ARAP2: variants seen among roughly 807,000 people sequenced by gnomAD.
ARAP2 encodes the protein arf-GAP with Rho-GAP domain, ANK repeat and PH domain-containing protein 2.
A neutral mutation model predicts 194.5 loss-of-function variants in ARAP2; 148 were observed. That is an observed-to-expected ratio of 0.76 (90% CI 0.67 to 0.87). The LOEUF (loss-of-function observed/expected upper bound fraction) is 0.87, where lower values mean the gene tolerates loss of function less well. ARAP2 is among the 40% of genes least tolerant of loss of function. The pLI is 0.00. For missense variants in ARAP2, 2,128 were observed against 1,989.7 expected, an observed-to-expected ratio of 1.07 and a Z score of -1.32; for synonymous variants, 695 against 683.5, an observed-to-expected ratio of 1.02 and a Z score of -0.26.
At chr4:36,030,389 G>T (rs1021946719) in intron 5 of ARAP2, among the ~76,000 whole-genome samples, 33 of 151,956 alleles carry the variant, frequency 2.2e-4, no homozygotes, top group Admixed American at 2.2e-3. Flanking sequence ...CTTCAAGATG[G>T]CAATTCTGAG....
chr4:36,073,708 A>C lies in ARAP2; in HGVS notation c.4724T>G (p.Leu1575Trp). 6.2e-7 allele frequency: 1 copy of C among 1,612,176 alleles called. No individual in the cohort carries two copies. The highest frequency in any genetic ancestry group is 1.1e-5 in the South Asian group (1 of 90,752). ...IPIQHEGNAT[L>W]ARKNIESARA... ...ACCTACCTCAATATTTTTCCGGGCC[A>C]AGGTTGCATTCCCCTCATGCTGTAT... is the stretch of plus-strand genomic sequence containing the variant. The change falls in exon 32 of 33, where the codon TTG becomes TGG. Residue 1575 changes from leucine to tryptophan, a missense_variant. Leu to Trp is a moderately conservative substitution (Grantham distance 61). Transcript: ENST00000303965.
chr4:36,095,476 C>G (rs531864528), intron 27 of ARAP2, among the ~76,000 whole-genome samples: 66 of 152,182 alleles, frequency 4.3e-4, no homozygotes, highest in African/African-American at 1.5e-3. Context: ...GGATTGAAGA[C>G]TAGCAGAAAT....
intron 15 of ARAP2, among the ~76,000 whole-genome samples, chr4:36,156,391 GAA>G (rs1333107309): frequency 0.24 from 23,316 of 95,186 alleles, 4,127 homozygotes; most frequent in South Asian, 0.29. Context: ...GAGAGAGAGA[GAA>G]AGAAAGAAAG....
chr4:36,070,918 T>C (rs1055068330), intron 32 of ARAP2, among the ~76,000 whole-genome samples: 1 of 152,198 alleles, frequency 6.6e-6, no homozygotes, highest in Admixed American at 6.6e-5. Context: ...CAAGTTTGCA[T>C]AAGTGAGAGC....
intron 8 of ARAP2, among the ~76,000 whole-genome samples, chr4:36,014,886 G>GA (rs1430747784): frequency 5.5e-4 from 83 of 151,996 alleles, no homozygotes; most frequent in African/African-American, 1.9e-3. Flanking sequence ...AGATTTCTTT[G>GA]AAATAAAAAG....
intron 6 of ARAP2, among the ~76,000 whole-genome samples, chr4:36,016,990 A>G (rs1715934317): frequency 6.6e-6 from 1 of 151,892 alleles, no homozygotes; most frequent in Non-Finnish European, 1.5e-5. Context: ...TTTCACTCTC[A>G]TTGTCATTTA....
intron 2 of ARAP2, among the ~76,000 whole-genome samples, chr4:36,227,612 G>A (rs1338601948): frequency 6.6e-6 from 1 of 152,154 alleles, no homozygotes; most frequent in African/African-American, 2.4e-5. Flanking sequence ...TTCAAAGGGA[G>A]TAGCAGGAAA....
intron 6 of ARAP2, among the ~76,000 whole-genome samples, chr4:36,204,538 G>C (rs1745107662): frequency 6.6e-6 from 1 of 152,184 alleles, no homozygotes; most frequent in African/African-American, 2.4e-5. Flanking sequence ...GGAATCCCAA[G>C]ATGTTAGTGT....
At chr4:36,040,288 C>G (rs1720629341) in intron 5 of ARAP2, among the ~76,000 whole-genome samples, 1 of 152,008 alleles carries the variant, frequency 6.6e-6, no homozygotes, top group Non-Finnish European at 1.5e-5. Context: ...ACAAATTGAT[C>G]CATGTGGACA....
At position 36,141,169 on chromosome 4, in the gene ARAP2, G is replaced by A. The variant is rs138713018; in HGVS notation, c.3263+6127C>T. Among the ~76,000 whole-genome samples the A allele has an allele frequency of 1.2e-4, 18 of 151,650 alleles. No homozygotes were observed. In the East Asian group the frequency reaches 1.4e-3, roughly 11 times the overall value. On this transcript the variant is annotated intron_variant, in intron 19 of 32. Coordinates refer to ENST00000303965, the MANE Select transcript of ARAP2 (RefSeq NM_015230.4). ...CAAAGTGATGATACAATTTCCTACC[G>A]TCCAGGAAAATGCCTTCTGCCTTCC...
At chr4:36,167,189 A>G (rs1352368719) in intron 9 of ARAP2, 142 bp from the exon 10 acceptor site, 3 of 576,010 alleles carry the variant, frequency 5.2e-6, no homozygotes, top group East Asian at 2.9e-5. Flanking sequence ...CTCTCAATAC[A>G]TAATAGCACT....
chr4:36,053,026 T>C (rs1471765803), intron 2 of ARAP2, among the ~76,000 whole-genome samples: 1 of 152,132 alleles, frequency 6.6e-6, no homozygotes, highest in African/African-American at 2.4e-5. Flanking sequence ...TTGTTTGTTT[T>C]AGATGGAGTC....
Position 36,127,515 on chromosome 4 carries a change from A to G in ARAP2, c.3640+1018T>C, listed in dbSNP as rs571886526. Among the ~76,000 whole-genome samples the G allele has an allele frequency of 2.6e-5, 4 of 152,152 alleles. No homozygotes were observed. The East Asian group carries it at 7.8e-4, about 30-fold the overall frequency. On this transcript the variant is annotated intron_variant, in intron 21 of 32. Coordinates refer to ENST00000303965, the MANE Select transcript of ARAP2 (RefSeq NM_015230.4). ...GTTTTGTGACATCATTTGAAAATTA[A>G]TCTCTTTAAATATATCACTTGTTTT...
At chr4:36,188,033 T>C (rs1740962996) in intron 7 of ARAP2, among the ~76,000 whole-genome samples, 1 of 152,190 alleles carries the variant, frequency 6.6e-6, no homozygotes, top group Non-Finnish European at 1.5e-5. Context: ...AAATTAACCA[T>C]GTTACTCAAA....
intron 1 of ARAP2, among the ~76,000 whole-genome samples, chr4:36,243,198 G>A (rs948102665): frequency 3.3e-5 from 5 of 151,996 alleles, no homozygotes; most frequent in African/African-American, 1.2e-4. Context: ...GGGCCTGTGG[G>A]GGTGTAGAGT....
At chr4:36,239,201 A>G (rs1446512992) in intron 1 of ARAP2, among the ~76,000 whole-genome samples, 1 of 151,710 alleles carries the variant, frequency 6.6e-6, no homozygotes, top group East Asian at 1.9e-4. Context: ...GCTTGAACCC[A>G]GTGGGCGGAG....
At chr4:36,141,167 C>T (rs1369624039) in intron 19 of ARAP2, among the ~76,000 whole-genome samples, 8 of 151,638 alleles carry the variant, frequency 5.3e-5, no homozygotes, top group Non-Finnish European at 1.2e-4. Context: ...CAATTTCCTA[C>T]CGTCCAGGAA....
chr4:36,024,324 G>A (rs1717533540), intron 5 of ARAP2, among the ~76,000 whole-genome samples: 1 of 152,068 alleles, frequency 6.6e-6, no homozygotes, highest in Non-Finnish European at 1.5e-5. Flanking sequence ...TATCATAAGA[G>A]CATATGGTAT....
intron 19 of ARAP2, among the ~76,000 whole-genome samples, chr4:36,141,753 G>A (rs941887905): frequency 2.6e-5 from 4 of 151,636 alleles, no homozygotes; most frequent in Admixed American, 2.0e-4. Flanking sequence ...AAAAATATAA[G>A]GTTCAAGCTT....
Sources: allele counts gnomAD v4.1 joint callset (sites outside exome capture counted in the v4.1 genomes callset), GRCh38; gene constraint gnomAD v4.1.1; transcripts MANE v1.5; gene names NCBI Gene and HGNC (gene_info 2026-07-23, HGNC 2026-07-21).